SLC1A4: variants seen among roughly 807,000 people sequenced by gnomAD.
SLC1A4 encodes solute carrier family 1 member 4.
SLC1A4 carries 19 observed loss-of-function variants against 37.7 expected under a neutral mutation model. The observed-to-expected ratio is 0.50, with a 90% CI of 0.35 to 0.74. The LOEUF (loss-of-function observed/expected upper bound fraction) is 0.74, where lower values mean the gene tolerates loss of function less well. Among genes scored for constraint, SLC1A4 ranks in the 30% least tolerant of loss-of-function variants. The pLI, the probability that SLC1A4 is intolerant of heterozygous loss-of-function variation, is 0.01. For synonymous variants in SLC1A4, 299 were observed against 309.8 expected (o/e 0.97, Z 0.37); for missense variants, 570 against 712.9 (o/e 0.80, Z 2.28).
chr2:65,016,578 G>T lies in SLC1A4; in HGVS notation c.939G>T (p.Leu313=). ...LGHVIHGGIV[L]PLIYFVFTRK... ...ATGTTATTCATGGAGGAATTGTTCT[G>T]CCACTTATTTATTTTGTTTTCACAC... The change falls in exon 5 of 8, where the codon CTG becomes CTT. Residue 313 remains leucine, a synonymous_variant. Transcript: ENST00000234256. 1 of 1,614,136 alleles carries T rather than the reference G, an allele frequency of 6.2e-7. No homozygotes were observed. Among genetic ancestry groups the T allele is most frequent in the African/African-American group, 1.3e-5 (1 of 75,016 alleles).
rs375956079 is a variant in SLC1A4 at position 65,021,357 on chromosome 2, G to A, written c.*211G>A. On this transcript the variant is annotated 3_prime_UTR_variant, in exon 8 of 8. Coordinates refer to ENST00000234256, the MANE Select transcript of SLC1A4 (RefSeq NM_003038.5). ...CAAGGACAAGGACACTCTGACATTCGGCTTGATCCATGTCCAGGTGCAACT... is the reference window on the plus strand; with the variant it reads ...CAAGGACAAGGACACTCTGACATTCAGCTTGATCCATGTCCAGGTGCAACT... 1.3e-4 allele frequency: 73 copies of A among 578,120 alleles called. No individual in the cohort carries two copies. Among genetic ancestry groups the A allele is most frequent in the South Asian group, 6.9e-4 (33 of 47,936 alleles). 35.8% of individuals were successfully genotyped at this position (578,120 alleles called of 1,614,324 possible).
Position 64,989,759 on chromosome 2 carries a change from T to A in SLC1A4, c.116T>A (p.Leu39Gln). ...CGCGCACGGCGTTGCGCGGGCTTCC[T>A]GCGGCGCCAAGCGCTGGTGCTGCTC... Reference protein sequence around the residue: ...AGRARRCAGFLRRQALVLLTV... With the variant: ...AGRARRCAGFQRRQALVLLTV... The change falls in exon 1 of 8, where the codon CTG (leucine) becomes CAG (glutamine). Residue 39 changes from leucine (L) to glutamine (Q), a missense_variant. By Grantham distance (113) the Leu-to-Gln change is moderately radical. Transcript: ENST00000234256. The A allele has an allele frequency of 1.4e-6, 2 of 1,445,834 alleles. No individual in the cohort carries two copies. The highest frequency in any genetic ancestry group is 1.8e-6 in the Non-Finnish European group (2 of 1,107,320). The allele number at this position is 1,445,834 out of a possible 1,614,324, so 89.6% of individuals were successfully genotyped here.
chr2:64,989,742 G>C lies in SLC1A4; in HGVS notation c.99G>C (p.Arg33=). ...CGGGGACCGCGGCGGGACGCGCACGGCGTTGCGCGGGCTTCCTGCGGCGCC... is the reference window on the plus strand; with the variant it reads ...CGGGGACCGCGGCGGGACGCGCACGCCGTTGCGCGGGCTTCCTGCGGCGCC... ...GAPGTAAGRA[R]RCAGFLRRQA... The change falls in exon 1 of 8, where the codon CGG becomes CGC. Residue 33 remains arginine, a synonymous_variant. Transcript: ENST00000234256. 2.1e-6 allele frequency: 3 copies of C among 1,456,182 alleles called. No individual in the cohort carries two copies. The highest frequency in any genetic ancestry group is 9.0e-7 in the Non-Finnish European group (1 of 1,110,750). 90.2% of individuals were successfully genotyped at this position (1,456,182 alleles called of 1,614,324 possible).
chr2:64,993,913 AAT>A (rs1318055420), intron 1 of SLC1A4, among the ~76,000 whole-genome samples: 1 of 152,202 alleles, frequency 6.6e-6, no homozygotes, highest in African/African-American at 2.4e-5. Context: ...TCTTGTTATA[AAT>A]AGAGTGATTG....
chr2:65,019,332 C>A (rs1674314766), intron 7 of SLC1A4, among the ~76,000 whole-genome samples: 1 of 152,042 alleles, frequency 6.6e-6, no homozygotes, highest in Non-Finnish European at 1.5e-5. Context: ...AGAAAATGAG[C>A]CCTGGAGCCC....
intron 1 of SLC1A4, 26 bp from the exon 2 acceptor site, chr2:65,001,422 T>G (rs1282817475): frequency 6.2e-7 from 1 of 1,611,586 alleles, no homozygotes; most frequent in Non-Finnish European, 8.5e-7. Context: ...AAAAGAATAC[T>G]GACAGAATGC....
chr2:64,997,743 T>C (rs1247862752), intron 1 of SLC1A4, among the ~76,000 whole-genome samples: 3 of 152,236 alleles, frequency 2.0e-5, no homozygotes, highest in Non-Finnish European at 2.9e-5. Context: ...TGGACTATTA[T>C]GAATAACGCT....
chr2:65,010,500 G>A (rs1673874426), intron 3 of SLC1A4, 97 bp from the exon 4 acceptor site: 4 of 999,758 alleles, frequency 4.0e-6, no homozygotes, highest in Non-Finnish European at 5.8e-6. Flanking sequence ...TTCTCGTTCT[G>A]GGTACAGTGT....
intron 4 of SLC1A4, among the ~76,000 whole-genome samples, chr2:65,013,632 C>T (rs953772064): frequency 1.3e-5 from 2 of 152,176 alleles, no homozygotes; most frequent in Admixed American, 6.5e-5. Flanking sequence ...CTAACTGCAG[C>T]AAGAGAGCGA....
intron 3 of SLC1A4, among the ~76,000 whole-genome samples, chr2:65,006,677 G>T (rs999573278): frequency 1.3e-5 from 2 of 152,086 alleles, no homozygotes; most frequent in Non-Finnish European, 2.9e-5. Context: ...GGTGACTCAC[G>T]CTTGTAATCT....
At chr2:64,994,474 A>G (rs1252364310) in intron 1 of SLC1A4, among the ~76,000 whole-genome samples, 1 of 152,262 alleles carries the variant, frequency 6.6e-6, no homozygotes, top group African/African-American at 2.4e-5. Context: ...GCAGTAGCAT[A>G]GTAGGGTGTG....
At chr2:65,012,761 A>G (rs1197460696) in intron 4 of SLC1A4, among the ~76,000 whole-genome samples, 5 of 152,234 alleles carry the variant, frequency 3.3e-5, no homozygotes, top group Admixed American at 1.3e-4. Flanking sequence ...AAATTGGGGC[A>G]GGCGCAGTGG....
At chr2:65,014,239 T>G (rs146975383) in intron 4 of SLC1A4, among the ~76,000 whole-genome samples, 4 of 152,300 alleles carry the variant, frequency 2.6e-5, no homozygotes, top group African/African-American at 9.6e-5. Flanking sequence ...TATATATATT[T>G]GCATACTGCA....
In SLC1A4 at chr2:64,989,523, C is replaced by G; in HGVS notation, c.-121C>G. 2.2e-6 allele frequency: 2 copies of G among 896,022 alleles called. No individual in the cohort carries two copies. The highest frequency in any genetic ancestry group is 3.0e-6 in the Non-Finnish European group (2 of 656,834). 55.5% of individuals were successfully genotyped at this position (896,022 alleles called of 1,614,324 possible). A position where few individuals can be genotyped will look rare whatever the true frequency, so the allele number is the denominator to read the frequency against. The stretch of plus-strand genomic sequence containing the variant: ...CTCCTGCGCCAGGCCCGGAGACCCC[C>G]GGGGCGGCTTCCCAGAACCTGCGGA... On this transcript the variant is annotated 5_prime_UTR_variant, in exon 1 of 8. Transcript: ENST00000234256.
At chr2:64,997,572 ACT>A (rs1673304547) in intron 1 of SLC1A4, among the ~76,000 whole-genome samples, 1 of 151,894 alleles carries the variant, frequency 6.6e-6, no homozygotes, top group Non-Finnish European at 1.5e-5. Flanking sequence ...TTCAGTATGC[ACT>A]CTCCTTTGTC....
intron 1 of SLC1A4, among the ~76,000 whole-genome samples, chr2:64,996,090 T>C (rs1673242286): frequency 6.7e-6 from 1 of 150,272 alleles, no homozygotes; most frequent in South Asian, 2.1e-4. Context: ...TGGACTGACT[T>C]GGGCCTCTAG....
At chr2:65,005,621 G>T (rs1479295840) in intron 3 of SLC1A4, among the ~76,000 whole-genome samples, 2 of 152,164 alleles carry the variant, frequency 1.3e-5, no homozygotes, top group African/African-American at 4.8e-5. Context: ...GATCAGGTAG[G>T]ATTTAGTACC....
chr2:65,016,562 A>G lies in SLC1A4; in HGVS notation c.923A>G (p.His308Arg). 1 of 1,614,206 alleles carries G rather than the reference A, an allele frequency of 6.2e-7. No homozygotes were observed. Among genetic ancestry groups the G allele is most frequent in the Non-Finnish European group, 8.5e-7 (1 of 1,180,026 alleles). The change falls in exon 5 of 8, where the codon CAT (histidine) becomes CGT (arginine). Residue 308 changes from histidine (H) to arginine (R), a missense_variant. Physicochemically the swap from His to Arg is conservative, Grantham distance 29 (BLOSUM62 0). Coordinates refer to ENST00000234256, the MANE Select transcript of SLC1A4 (RefSeq NM_003038.5). ...IFASILGHVI[H>R]GGIVLPLIYF... ...GCATCTATATTGGGCCATGTTATTC[A>G]TGGAGGAATTGTTCTGCCACTTATT... is the stretch of plus-strand genomic sequence containing the variant.
intron 4 of SLC1A4, among the ~76,000 whole-genome samples, chr2:65,014,758 C>T (rs1342084638): frequency 6.6e-6 from 1 of 152,208 alleles, no homozygotes; most frequent in Non-Finnish European, 1.5e-5. Flanking sequence ...AGCATCTCTA[C>T]CTAGAGAACA....
Sources: gnomAD v4.1 joint callset for allele counts (sites outside exome capture counted in the v4.1 genomes callset) on GRCh38, gnomAD v4.1.1 for gene constraint, MANE v1.5 for transcripts, NCBI Gene and HGNC (gene_info 2026-07-23, HGNC 2026-07-21) for gene names.